The following BCKDHB variants were observed in gnomAD, a reference collection of about 807,000 sequenced individuals.
BCKDHB encodes the protein branched chain keto acid dehydrogenase E1 subunit beta, also known as 2-oxoisovalerate dehydrogenase subunit beta, mitochondrial.
BCKDHB carries 41 observed loss-of-function variants against 48.5 expected under a neutral mutation model. The ratio of observed to expected loss-of-function variants is 0.85; its 90% CI spans 0.66 to 1.10. BCKDHB has a LOEUF of 1.10. Among genes scored for constraint, BCKDHB ranks in the 50% least tolerant of loss-of-function variants. The pLI is 0.00. For missense variants in BCKDHB, 496 were observed against 494.2 expected (o/e 1.00, Z -0.03); for synonymous variants, 201 against 174.8 (o/e 1.15, Z -1.18).
At chr6:80,331,193 C>G (rs146322782) in intron 9 of BCKDHB, among the ~76,000 whole-genome samples, 2,329 of 152,150 alleles carry the variant, frequency 0.015, 25 homozygotes, top group Non-Finnish European at 0.022. Flanking sequence ...GGCAACCCAC[C>G]CAGTTGAGAG....
chr6:80,277,892 T>C (rs75321619), intron 9 of BCKDHB, among the ~76,000 whole-genome samples: 1,633 of 152,212 alleles, frequency 0.011, 26 homozygotes, highest in African/African-American at 0.037. Flanking sequence ...AAAGAAAACT[T>C]TTAATAACTT....
the BCKDHB span, among the ~76,000 whole-genome samples, chr6:80,385,757 G>A: frequency 2.0e-5 from 3 of 152,172 alleles, no homozygotes; most frequent in South Asian, 6.2e-4. Context: ...CCATGAGGAG[G>A]CGCACAACAC....
At chr6:80,388,743 T>C in the BCKDHB span, among the ~76,000 whole-genome samples, 2 of 152,090 alleles carry the variant, frequency 1.3e-5, no homozygotes, top group African/African-American at 4.8e-5. Flanking sequence ...GACAGAGGAA[T>C]AGAATACTAG....
At chr6:80,352,073 G>T in the BCKDHB span, among the ~76,000 whole-genome samples, 2 of 151,688 alleles carry the variant, frequency 1.3e-5, no homozygotes, top group African/African-American at 4.8e-5. Context: ...TGCCCGCCTC[G>T]GCCTCCCAAA....
the BCKDHB span, chr6:80,356,023 A>G: frequency 6.6e-6 from 1 of 152,218 alleles, no homozygotes; most frequent in African/African-American, 2.4e-5. Context: ...TCTCATCAAT[A>G]TTTGGTGAAA....
chr6:80,432,658 A>G, the BCKDHB span, among the ~76,000 whole-genome samples: 1 of 152,162 alleles, frequency 6.6e-6, no homozygotes, highest in Non-Finnish European at 1.5e-5. Flanking sequence ...GTTATTACCC[A>G]CCTTCTGAAG....
the BCKDHB span, among the ~76,000 whole-genome samples, chr6:80,398,715 G>T: frequency 6.6e-6 from 1 of 151,028 alleles, no homozygotes; most frequent in East Asian, 1.9e-4. Flanking sequence ...AAATAGGGAG[G>T]GATGACTCCT....
At chr6:80,350,922 A>C (rs1421395362), downstream of BCKDHB, among the ~76,000 whole-genome samples, 1 of 152,206 alleles carries the variant, frequency 6.6e-6, no homozygotes, top group Non-Finnish European at 1.5e-5. Context: ...AATTCCACAG[A>C]ACCTAGAGTA....
chr6:80,121,309 T>G (rs566613069), intron 1 of BCKDHB, among the ~76,000 whole-genome samples: 1 of 152,340 alleles, frequency 6.6e-6, no homozygotes, highest in Non-Finnish European at 1.5e-5. Flanking sequence ...TACCTTTAGC[T>G]TTGTTCTTTT....
the BCKDHB span, among the ~76,000 whole-genome samples, chr6:80,398,923 A>T: frequency 6.6e-6 from 1 of 152,142 alleles, no homozygotes; most frequent in Non-Finnish European, 1.5e-5. Flanking sequence ...TATCCCTGGG[A>T]TGGATGCATG....
the BCKDHB span, among the ~76,000 whole-genome samples, chr6:80,452,481 C>G: frequency 6.6e-6 from 1 of 151,958 alleles, no homozygotes; most frequent in Non-Finnish European, 1.5e-5. Flanking sequence ...AAAAAATGAT[C>G]ACTATCAAGT....
chr6:80,462,073 T>A, the BCKDHB span, among the ~76,000 whole-genome samples: 4 of 152,186 alleles, frequency 2.6e-5, no homozygotes, highest in Admixed American at 1.3e-4. Flanking sequence ...GTTTGACTAT[T>A]TTCAAGGCAT....
intron 9 of BCKDHB, among the ~76,000 whole-genome samples, chr6:80,317,418 C>A (rs756334646): frequency 6.6e-6 from 1 of 152,180 alleles, no homozygotes; most frequent in Non-Finnish European, 1.5e-5. Flanking sequence ...TAACTTCTTG[C>A]GGCCTCTCAC....
chr6:80,218,435 A>G (rs1023965994), intron 8 of BCKDHB, among the ~76,000 whole-genome samples: 1 of 152,182 alleles, frequency 6.6e-6, no homozygotes, highest in African/African-American at 2.4e-5. Flanking sequence ...ACATGCATAT[A>G]GGTGTATACA....
chr6:80,445,869 T>G, the BCKDHB span, among the ~76,000 whole-genome samples: 1 of 152,194 alleles, frequency 6.6e-6, no homozygotes, highest in East Asian at 1.9e-4. Flanking sequence ...CTGTTAGGTT[T>G]AACTGTTAGG....
chr6:80,214,204 T>C (rs1046024503), intron 8 of BCKDHB, among the ~76,000 whole-genome samples: 4 of 152,228 alleles, frequency 2.6e-5, no homozygotes, highest in Admixed American at 6.5e-5. Flanking sequence ...ACCTTAGTAA[T>C]TGGATGAAGG....
At chr6:80,307,891 A>G (rs1767957716) in intron 9 of BCKDHB, 1 of 972,832 alleles carries the variant, frequency 1.0e-6, no homozygotes, top group Non-Finnish European at 1.2e-6. Context: ...TAAATTAAAA[A>G]CATAAAAATT....
At chr6:80,246,048 T>C (rs887907604) in intron 8 of BCKDHB, among the ~76,000 whole-genome samples, 1 of 152,196 alleles carries the variant, frequency 6.6e-6, no homozygotes, top group East Asian at 1.9e-4. Flanking sequence ...TGCACTCCAA[T>C]GTGTGTGACA....
At chr6:80,152,392 A>G (rs1172059260) in intron 3 of BCKDHB, among the ~76,000 whole-genome samples, 2 of 152,150 alleles carry the variant, frequency 1.3e-5, no homozygotes, top group East Asian at 1.9e-4. Flanking sequence ...TTTTTTAAGG[A>G]CATAGTAAAT....
Sources: allele counts gnomAD v4.1 joint callset (sites outside exome capture counted in the v4.1 genomes callset), GRCh38; gene constraint gnomAD v4.1.1; transcripts MANE v1.5; gene names NCBI Gene and HGNC (gene_info 2026-07-23, HGNC 2026-07-21).